The following CTDP1 variants were observed in gnomAD, a reference collection of about 807,000 sequenced individuals.
CTDP1 encodes CTD phosphatase 1.
A neutral mutation model predicts 91.8 loss-of-function variants in CTDP1; 47 were observed. That is an observed-to-expected ratio of 0.51 (90% CI 0.41 to 0.65). The LOEUF (loss-of-function observed/expected upper bound fraction) is 0.65. CTDP1 is among the 30% of genes least tolerant of loss of function. The pLI is 0.00. For missense variants in CTDP1, 1,272 were observed against 1,373.7 expected (o/e 0.93, Z 1.17); for synonymous variants, 656 against 598.5 (o/e 1.10, Z -1.40).
At position 79,714,516 on chromosome 18, in the gene CTDP1, C is replaced by T. The variant is rs147146455; in HGVS notation, c.1056C>T (p.Val352=). 8 of 1,613,178 alleles carry T rather than the reference C, an allele frequency of 5.0e-6. No homozygotes were observed. Among genetic ancestry groups the T allele is most frequent in the Non-Finnish European group, 6.8e-6 (8 of 1,180,044 alleles). Residue 352 remains valine (V), a synonymous_variant, in exon 8 of 13, where the codon GTC becomes GTT. Transcript: ENST00000613122. The part of the protein sequence containing the change: ...KKVNHSRGTE[V]SEPSPPVRDP... ...TAAATCATTCTCGAGGCACTGAGGT[C>T]TCAGAGCCATCTCCGCCCGTGAGAG...
intron 12 of CTDP1, among the ~76,000 whole-genome samples, chr18:79,749,504 C>CA (rs6146423): frequency 1.3e-5 from 2 of 151,142 alleles, no homozygotes; most frequent in African/African-American, 4.9e-5. Context: ...AGGGTCGCGC[C>CA]CCGTGCACAC....
At chr18:79,726,059 G>A (rs371065218) in intron 10 of CTDP1, among the ~76,000 whole-genome samples, 72 of 152,266 alleles carry the variant, frequency 4.7e-4, no homozygotes, top group African/African-American at 1.5e-3. Flanking sequence ...GTCTTTTGAC[G>A]TCTTTGGGAC....
chr18:79,742,817 G>A (rs1002499415), intron 12 of CTDP1, among the ~76,000 whole-genome samples: 2 of 152,198 alleles, frequency 1.3e-5, no homozygotes, highest in African/African-American at 4.8e-5. Context: ...AATTAGCTGG[G>A]CATGGTGGTG....
chr18:79,698,207 C>T (rs954798650), intron 4 of CTDP1, among the ~76,000 whole-genome samples: 4 of 152,254 alleles, frequency 2.6e-5, no homozygotes, highest in African/African-American at 4.8e-5. Flanking sequence ...CTGTGTCTCA[C>T]GCTTCCTTCC....
At chr18:79,734,720 G>T (rs1024197462) in intron 11 of CTDP1, among the ~76,000 whole-genome samples, 1 of 152,236 alleles carries the variant, frequency 6.6e-6, no homozygotes. Flanking sequence ...CCGTGTTAAA[G>T]GCCCTAAGTA....
intron 12 of CTDP1, among the ~76,000 whole-genome samples, chr18:79,750,647 C>T (rs1347150932): frequency 6.6e-6 from 1 of 150,668 alleles, no homozygotes; most frequent in African/African-American, 2.4e-5. Context: ...GTGCCCACCA[C>T]CACACCTGGC....
At chr18:79,683,803 A>G (rs981268772) in intron 1 of CTDP1, among the ~76,000 whole-genome samples, 5 of 152,118 alleles carry the variant, frequency 3.3e-5, no homozygotes, top group African/African-American at 1.2e-4. Context: ...TGTTGAGGAC[A>G]TTGCTGACGA....
intron 1 of CTDP1, chr18:79,681,522 G>GT (rs1277719951): frequency 2.0e-6 from 2 of 983,308 alleles, no homozygotes; most frequent in Admixed American, 1.2e-4. Context: ...AGACAGGTGA[G>GT]TAACTTGGTT....
chr18:79,742,481 C>T (rs566059196), intron 12 of CTDP1, among the ~76,000 whole-genome samples: 15 of 152,324 alleles, frequency 9.8e-5, no homozygotes, highest in Admixed American at 5.9e-4. Flanking sequence ...CACTAGCAGA[C>T]GCACCTTACA....
chr18:79,688,047 C>T (rs1265996394), intron 1 of CTDP1, among the ~76,000 whole-genome samples: 1 of 152,224 alleles, frequency 6.6e-6, no homozygotes, highest in African/African-American at 2.4e-5. Context: ...TCTTTACATT[C>T]CTCAGACGTT....
At chr18:79,756,014 A>G (rs1399859899), downstream of CTDP1, 1 of 152,352 alleles carries the variant, frequency 6.6e-6, no homozygotes, top group East Asian at 1.9e-4. Context: ...CCGACGCGGA[A>G]GAGCAAGGGG....
At chr18:79,734,365 CAG>C (rs979344740) in intron 11 of CTDP1, among the ~76,000 whole-genome samples, 31 of 152,380 alleles carry the variant, frequency 2.0e-4, no homozygotes, top group African/African-American at 6.3e-4. Context: ...GTTCCCACAT[CAG>C]TGTGTTTACA....
chr18:79,717,788 C>T (rs1228007281), intron 9 of CTDP1, 22 bp from the exon 10 acceptor site: 4 of 1,613,674 alleles, frequency 2.5e-6, no homozygotes, highest in Non-Finnish European at 3.4e-6. Context: ...CGCTCATGGC[C>T]CTCGTTCTCT....
Position 79,714,397 on chromosome 18 carries a change from C to A in CTDP1, c.1031-94C>A, listed in dbSNP as rs1033274574. The stretch of plus-strand genomic sequence containing the variant: ...GCCTGGTCTAGAGGGTGGTGGACTT[C>A]ACAGCCATGGAGAAGGGTGCTGCTT... On this transcript the variant is annotated intron_variant, in intron 7 of 12. Transcript: ENST00000613122. 11 of 1,444,018 alleles carry A rather than the reference C, an allele frequency of 7.6e-6. No homozygotes were observed. In the African/African-American group the frequency reaches 1.4e-4, roughly 18 times the overall value. The allele number at this position is 1,444,018 out of a possible 1,614,324, so 89.5% of individuals were successfully genotyped here. A position where few individuals can be genotyped will look rare whatever the true frequency, so the allele number is the denominator to read the frequency against.
At position 79,717,969 on chromosome 18, in the gene CTDP1, A is replaced by G. The variant is rs776989918; in HGVS notation, c.2370A>G (p.Pro790=). Residue 790 remains proline, a synonymous_variant, in exon 10 of 13, where the codon CCA becomes CCG. Coordinates refer to ENST00000613122, the MANE Select transcript of CTDP1 (RefSeq NM_004715.5). ...TCAGGACGGGCGCCCGGGGGCCCCCAGCACCCTCCAGCTCCCTACCCATCC... is the reference window on the plus strand; with the variant it reads ...TCAGGACGGGCGCCCGGGGGCCCCCGGCACCCTCCAGCTCCCTACCCATCC... ...KLIRTGARGP[P]APSSSLPIRQ... 3 of 1,613,300 alleles carry G rather than the reference A, an allele frequency of 1.9e-6. No homozygotes were observed. The highest frequency in any genetic ancestry group is 2.7e-5 in the African/African-American group (2 of 74,904).
At position 79,697,845 on chromosome 18, in the gene CTDP1, T is replaced by G. The variant is rs1568181245; in HGVS notation, c.493-15T>G. 6 of 1,614,176 alleles carry G rather than the reference T, an allele frequency of 3.7e-6. No homozygotes were observed. The East Asian group carries it at 1.1e-4, about 30-fold the overall frequency. On this transcript the variant is annotated splice_polypyrimidine_tract_variant and intron_variant, in intron 3 of 12. Transcript: ENST00000613122. ...CATACTGACTTTGTCATTTCTTGTT[T>G]CTTTTTAATTGTAGCAAGCTGAACA...
At chr18:79,733,545 C>G (rs767537773) in intron 11 of CTDP1, among the ~76,000 whole-genome samples, 5 of 152,006 alleles carry the variant, frequency 3.3e-5, no homozygotes, top group South Asian at 2.1e-4. Context: ...CCTGCCTGTT[C>G]TGCTGGGCCC....
At chr18:79,712,859 C>T (rs2122614001) in intron 6 of CTDP1, 113 bp from the exon 7 acceptor site, 5 of 1,168,794 alleles carry the variant, frequency 4.3e-6, no homozygotes, top group Non-Finnish European at 6.2e-6. Context: ...TCTGATTAAC[C>T]TGCTGTCTGC....
At chr18:79,727,424 C>T (rs2086472927) in intron 10 of CTDP1, among the ~76,000 whole-genome samples, 3 of 150,674 alleles carry the variant, frequency 2.0e-5, no homozygotes, top group Admixed American at 6.6e-5. Context: ...GCGCAGCGTT[C>T]GTGGGGTGGG....
Sources: allele counts gnomAD v4.1 joint callset (sites outside exome capture counted in the v4.1 genomes callset), GRCh38; gene constraint gnomAD v4.1.1; transcripts MANE v1.5; gene names NCBI Gene and HGNC (gene_info 2026-07-23, HGNC 2026-07-21).